TULP3: variants seen among roughly 807,000 people sequenced by gnomAD.
TULP3 encodes the protein tubby-related protein 3.
In TULP3, 38 loss-of-function variants were observed where a neutral mutation model predicts 50.7. The ratio of observed to expected loss-of-function variants is 0.75; its 90% CI spans 0.58 to 0.98. The LOEUF (loss-of-function observed/expected upper bound fraction) is 0.98. TULP3 is among the 50% of genes least tolerant of loss of function. The probability of loss-of-function intolerance (pLI) is 0.00; values close to 1 mark genes in which losing one functional copy is unlikely to be tolerated. For synonymous variants in TULP3, 183 were observed against 196.6 expected, an observed-to-expected ratio of 0.93 and a Z score of 0.58; for missense variants, 550 against 568.0, an observed-to-expected ratio of 0.97 and a Z score of 0.32.
At chr12:2,905,726 T>C (rs1329819729) in intron 1 of TULP3, among the ~76,000 whole-genome samples, 1 of 152,060 alleles carries the variant, frequency 6.6e-6, no homozygotes, top group East Asian at 2.0e-4. Context: ...AAGTGGTGTC[T>C]AGATGTACTG....
At chr12:2,912,120 TGAA>T (rs1404288300) in intron 2 of TULP3, among the ~76,000 whole-genome samples, 1 of 152,174 alleles carries the variant, frequency 6.6e-6, no homozygotes, top group Non-Finnish European at 1.5e-5. Context: ...CACCACATAA[TGAA>T]GAAAACATTG....
intron 1 of TULP3, among the ~76,000 whole-genome samples, chr12:2,903,295 G>T (rs1451831405): frequency 6.6e-6 from 1 of 151,908 alleles, no homozygotes; most frequent in Non-Finnish European, 1.5e-5. Context: ...GGGCACGGTG[G>T]CTCATGCCTG....
At position 2,939,524 on chromosome 12, in the gene TULP3, C is replaced by G; in HGVS notation, c.*80C>G. On this transcript the variant is annotated 3_prime_UTR_variant, in exon 11 of 11. Transcript: ENST00000448120. The surrounding 1 kb of genome is among the most constrained non-coding windows in gnomAD (Gnocchi z 4.0). ...TGGCCTCCCCTTCCCCTCCCTGCCC[C>G]AGGACTTAAAGAGCAATAGTTTGCC... The G allele has an allele frequency of 6.3e-7, 1 of 1,576,978 alleles. No homozygotes were observed. The highest frequency in any genetic ancestry group is 1.2e-5 in the South Asian group (1 of 85,112).
chr12:2,903,184 C>T (rs1183855769), intron 1 of TULP3, among the ~76,000 whole-genome samples: 1 of 151,780 alleles, frequency 6.6e-6, no homozygotes, highest in Non-Finnish European at 1.5e-5. Context: ...TTAAAGGTAG[C>T]CAGTCCACAA....
intron 2 of TULP3, among the ~76,000 whole-genome samples, chr12:2,914,676 A>G (rs1591529379): frequency 1.3e-5 from 2 of 152,210 alleles, no homozygotes; most frequent in Middle Eastern, 3.4e-3. Context: ...TCTGTTGCCC[A>G]GGTTGGAGTG....
rs377154908 is a variant in TULP3 at position 2,931,166 on chromosome 12, C to T, written c.622C>T (p.Arg208Trp). The T allele has an allele frequency of 4.3e-6, 7 of 1,614,080 alleles. No individual in the cohort carries two copies. The highest frequency in any genetic ancestry group is 5.9e-6 in the Non-Finnish European group (7 of 1,180,034). Residue 208 changes from arginine to tryptophan, a missense_variant, in exon 6 of 11, where the codon CGG becomes TGG. Transcript: ENST00000448120. ...TGTCACAGTAAGATGTCGGATAATCCGGGATAAAAGGGGAATGGATCGGGG... is the reference window on the plus strand; with the variant it reads ...TGTCACAGTAAGATGTCGGATAATCTGGGATAAAAGGGGAATGGATCGGGG... ...QGVTVRCRII[R>W]DKRGMDRGLF...
At chr12:2,893,522 T>C (rs1198284416) in intron 1 of TULP3, among the ~76,000 whole-genome samples, 1 of 151,958 alleles carries the variant, frequency 6.6e-6, no homozygotes, top group Non-Finnish European at 1.5e-5. Context: ...GGTTTCTCCA[T>C]GTTGGTCAGG....
Position 2,939,195 on chromosome 12 carries a change from G to A in TULP3, c.1196-116G>A. On this transcript the variant is annotated intron_variant, in intron 10 of 10. Transcript: ENST00000448120. The surrounding 1 kb of genome is among the most constrained non-coding windows in gnomAD (Gnocchi z 4.0). ...GCAGTGAGCTGTGGTCATTCCACTA[G>A]GCTCCAGCCAGGGCGACAGAGCAAA... The A allele has an allele frequency of 4.3e-6, 5 of 1,174,168 alleles. No individual in the cohort carries two copies. The highest frequency in any genetic ancestry group is 6.1e-6 in the Non-Finnish European group (5 of 825,446). 72.7% of individuals were successfully genotyped at this position (1,174,168 alleles called of 1,614,324 possible). A position where few individuals can be genotyped will look rare whatever the true frequency, so the allele number is the denominator to read the frequency against.
At chr12:2,895,904 A>G (rs984995376) in intron 1 of TULP3, among the ~76,000 whole-genome samples, 11 of 118,744 alleles carry the variant, frequency 9.3e-5, no homozygotes, top group Non-Finnish European at 1.4e-4. Context: ...ACTGGTAAGT[A>G]TTAGCATATC....
rs530127588 is a variant in TULP3, at chr12:2,930,357, T to A, written c.492+12T>A. 4.2e-5 allele frequency: 66 copies of A among 1,573,022 alleles called. 1 individual carries two copies. The South Asian group carries it at 6.9e-4, about 17-fold the overall frequency. On this transcript the variant is annotated intron_variant, in intron 5 of 10. Transcript: ENST00000448120. ...GCCAGAATTCAACCGTATGTAGTTC[T>A]GAAACTTCTTCCATTAGAGCTAATT...
intron 4 of TULP3, among the ~76,000 whole-genome samples, chr12:2,926,275 G>A (rs924635233): frequency 1.3e-5 from 2 of 151,934 alleles, no homozygotes; most frequent in African/African-American, 4.8e-5. Context: ...CGAGGTGGGC[G>A]GATCGCTTGA....
At chr12:2,911,662 GCCTTTTTTTTTTTTTT>G (rs2098185696) in intron 2 of TULP3, among the ~76,000 whole-genome samples, 2 of 61,374 alleles carry the variant, frequency 3.3e-5, no homozygotes, top group South Asian at 1.3e-3. Context: ...ACTGCGCCCA[GCCTTTTTTTTTTTTTT>G]TTTTTTTTTT....
At chr12:2,918,409 G>T (rs1030415837) in intron 2 of TULP3, among the ~76,000 whole-genome samples, 3 of 152,016 alleles carry the variant, frequency 2.0e-5, no homozygotes, top group Non-Finnish European at 4.4e-5. Flanking sequence ...ACCGCGCCCA[G>T]CCTACAGTAT....
intron 3 of TULP3, 90 bp downstream of exon 3, chr12:2,921,012 A>G: frequency 6.8e-7 from 1 of 1,477,738 alleles, no homozygotes; most frequent in Non-Finnish European, 9.3e-7. Context: ...CAAAGGGACA[A>G]TATTATTAGC....
intron 6 of TULP3, 124 bp from the exon 7 acceptor site, chr12:2,933,293 TA>T: frequency 1.6e-6 from 1 of 628,006 alleles, no homozygotes; most frequent in South Asian, 1.9e-5. Flanking sequence ...GCCCAAAGAT[TA>T]ACAGCTTGAC....
intron 4 of TULP3, among the ~76,000 whole-genome samples, chr12:2,928,998 A>G (rs987996750): frequency 6.6e-6 from 1 of 151,922 alleles, no homozygotes; most frequent in Admixed American, 6.6e-5. Flanking sequence ...TTTGTCTAGC[A>G]AGTTTTCCTG....
intron 1 of TULP3, among the ~76,000 whole-genome samples, chr12:2,891,679 T>G (rs151243294): frequency 3.0e-4 from 46 of 152,206 alleles, no homozygotes; most frequent in African/African-American, 8.9e-4. Flanking sequence ...TTGAAATCAT[T>G]GGTTAGAAAC....
At chr12:2,908,683 G>C (rs1179932192) in intron 1 of TULP3, among the ~76,000 whole-genome samples, 1 of 152,162 alleles carries the variant, frequency 6.6e-6, no homozygotes, top group Non-Finnish European at 1.5e-5. Context: ...ACCTCCCAAA[G>C]TGCTGGGATT....
intron 3 of TULP3, among the ~76,000 whole-genome samples, chr12:2,921,573 A>G (rs571613115): frequency 2.0e-5 from 3 of 152,284 alleles, no homozygotes; most frequent in Admixed American, 2.0e-4. Context: ...CTTCCAACAG[A>G]TAGTTGAAAG....
Sources: gnomAD v4.1 joint callset for allele counts (sites outside exome capture counted in the v4.1 genomes callset) on GRCh38, gnomAD v4.1.1 for gene constraint, Gnocchi (gnomAD v3.1) non-coding constraint, MANE v1.5 for transcripts, NCBI Gene and HGNC (gene_info 2026-07-23, HGNC 2026-07-21) for gene names.